The following NR6A1 variants were observed in gnomAD, a reference collection of about 807,000 sequenced individuals.
The protein encoded by NR6A1 is nuclear receptor subfamily 6 group A member 1, also known as retinoic acid receptor-related testis-associated receptor.
In NR6A1, 7 loss-of-function variants were observed where a neutral mutation model predicts 59.1. That is an observed-to-expected ratio of 0.12 (90% CI 0.07 to 0.22). The LOEUF (loss-of-function observed/expected upper bound fraction) is 0.22, where lower values mean the gene tolerates loss of function less well. NR6A1 is among the 10% of genes least tolerant of loss of function. The probability of loss-of-function intolerance (pLI) is 1.00; values close to 1 mark genes in which losing one functional copy is unlikely to be tolerated. For synonymous variants in NR6A1, 243 were observed against 236.1 expected (o/e 1.03, Z -0.27); for missense variants, 468 against 611.6 (o/e 0.77, Z 2.48).
chr9:124,630,573 AG>A (rs1836402465), intron 2 of NR6A1, among the ~76,000 whole-genome samples: 1 of 148,810 alleles, frequency 6.7e-6, no homozygotes, highest in Admixed American at 6.7e-5. Context: ...TGGCTATCCT[AG>A]GGGGAAGAGC....
At chr9:124,576,808 G>A (rs1834610795) in intron 2 of NR6A1, among the ~76,000 whole-genome samples, 1 of 152,196 alleles carries the variant, frequency 6.6e-6, no homozygotes, top group South Asian at 2.1e-4. Context: ...AATCCTAGTT[G>A]AGATTAGGGA....
At chr9:124,570,796 G>A (rs1453194863) in intron 2 of NR6A1, among the ~76,000 whole-genome samples, 1 of 152,014 alleles carries the variant, frequency 6.6e-6, no homozygotes. Flanking sequence ...CGTTCTCAGT[G>A]GAAAAAATAT....
intron 2 of NR6A1, among the ~76,000 whole-genome samples, chr9:124,582,674 G>A (rs1423997284): frequency 6.6e-6 from 1 of 152,108 alleles, no homozygotes; most frequent in East Asian, 1.9e-4. Flanking sequence ...ACTGCTTGAG[G>A]CCAGGAATTT....
intron 2 of NR6A1, among the ~76,000 whole-genome samples, chr9:124,719,547 A>G (rs577821991): frequency 6.6e-6 from 1 of 152,324 alleles, no homozygotes; most frequent in Non-Finnish European, 1.5e-5. Flanking sequence ...AAATGCCTAC[A>G]GAAGACTAGC....
intron 3 of NR6A1, among the ~76,000 whole-genome samples, chr9:124,554,104 A>G (rs1475680852): frequency 6.6e-6 from 1 of 152,190 alleles, no homozygotes; most frequent in Non-Finnish European, 1.5e-5. Flanking sequence ...TCTTGGTCAC[A>G]CAGGGCCTGT....
At chr9:124,617,998 C>A (rs577251998) in intron 2 of NR6A1, among the ~76,000 whole-genome samples, 1 of 152,200 alleles carries the variant, frequency 6.6e-6, no homozygotes, top group African/African-American at 2.4e-5. Context: ...TGAAGCCCAA[C>A]CCCTGGGGAG....
intron 2 of NR6A1, among the ~76,000 whole-genome samples, chr9:124,579,693 G>A (rs911573435): frequency 6.6e-6 from 1 of 152,144 alleles, no homozygotes; most frequent in Non-Finnish European, 1.5e-5. Context: ...AATCACTATG[G>A]AAAACAGTCT....
intron 1 of NR6A1, among the ~76,000 whole-genome samples, chr9:124,768,142 TCAATGGTGTTTCCGG>T (rs761069658): frequency 6.6e-6 from 1 of 152,220 alleles, no homozygotes; most frequent in Non-Finnish European, 1.5e-5. Flanking sequence ...AAATTCAGCA[TCAATGGTGTTTCCGG>T]TAGGAAAACA....
chr9:124,759,415 T>C (rs548232072), intron 1 of NR6A1, among the ~76,000 whole-genome samples: 63 of 152,326 alleles, frequency 4.1e-4, no homozygotes, highest in African/African-American at 1.5e-3. Context: ...CTATCAAACC[T>C]TGGATTTAGC....
At chr9:124,730,135 A>T (rs1839841905) in intron 2 of NR6A1, among the ~76,000 whole-genome samples, 1 of 151,990 alleles carries the variant, frequency 6.6e-6, no homozygotes, top group Non-Finnish European at 1.5e-5. Flanking sequence ...GAATAATCAG[A>T]TCCTTATGTA....
rs1029828048 is a variant in NR6A1 at position 124,710,663 on chromosome 9, A to C, written c.142+22645T>G. On this transcript the variant is annotated intron_variant, in intron 2 of 9. Coordinates refer to ENST00000487099, the MANE Select transcript of NR6A1 (RefSeq NM_033334.4). ...ATTTCTGCCTGTGATTAAAAGCTAC[A>C]TGCAAGTAACTTGTTAAGTGACTAT... 5.3e-5 allele frequency among the ~76,000 whole-genome samples: 8 copies of C among 152,356 alleles called. No homozygotes were observed. In the East Asian group the frequency reaches 1.5e-3, roughly 29 times the overall value.
At position 124,605,648 on chromosome 9, in the gene NR6A1, A is replaced by G. The variant is rs141962466; in HGVS notation, c.143-51078T>C. Among the ~76,000 whole-genome samples the G allele has an allele frequency of 2.3e-3, 350 of 152,354 alleles. 1 individual carries two copies. The highest frequency in any genetic ancestry group is 8.0e-3 in the African/African-American group (331 of 41,588). On this transcript the variant is annotated intron_variant, in intron 2 of 9. Coordinates refer to ENST00000487099, the MANE Select transcript of NR6A1 (RefSeq NM_033334.4). ...CCACACTTTTAAAGGATAAGGATAC[A>G]TACTGGAATATTAACAAATGAAATA...
intron 2 of NR6A1, among the ~76,000 whole-genome samples, chr9:124,593,848 C>A (rs1052975448): frequency 6.6e-6 from 1 of 152,114 alleles, no homozygotes; most frequent in South Asian, 2.1e-4. Context: ...GCCCTTCCCC[C>A]ACCTTTCTCC....
chr9:124,585,706 G>A (rs1400453831), intron 2 of NR6A1, among the ~76,000 whole-genome samples: 3 of 152,074 alleles, frequency 2.0e-5, no homozygotes, highest in African/African-American at 4.8e-5. Flanking sequence ...CACCATCTAC[G>A]GGCTTTCATA....
intron 2 of NR6A1, among the ~76,000 whole-genome samples, chr9:124,558,327 C>CT (rs1169105202): frequency 6.6e-6 from 1 of 152,126 alleles, no homozygotes; most frequent in African/African-American, 2.4e-5. Context: ...GCCTGAAGCC[C>CT]TAGGACTGCT....
chr9:124,659,287 G>C lies in NR6A1; in HGVS notation c.142+74021C>G, dbSNP rs10986390. On this transcript the variant is annotated intron_variant, in intron 2 of 9. Transcript: ENST00000487099. ...GTCAGCCAGCTGCAGGGGCGGGAGCGGGGGGGCGGGTAGGGACATGGATGT... is the reference window on the plus strand; with the variant it reads ...GTCAGCCAGCTGCAGGGGCGGGAGCCGGGGGGCGGGTAGGGACATGGATGT... Among the ~76,000 whole-genome samples, 544 of 152,038 alleles carry C rather than the reference G, an allele frequency of 3.6e-3. 1 individual carries two copies. The highest frequency in any genetic ancestry group is 5.7e-3 in the Non-Finnish European group (390 of 67,948).
chr9:124,680,090 A>ATGTATGTG (rs1554743732), intron 2 of NR6A1, among the ~76,000 whole-genome samples: 2 of 143,164 alleles, frequency 1.4e-5, no homozygotes, highest in African/African-American at 5.1e-5. Flanking sequence ...GTGTGTATGT[A>ATGTATGTG]TGTGTGTGTG....
At position 124,522,589 on chromosome 9, in the gene NR6A1, G is replaced by C. The variant is rs1005745508; in HGVS notation, c.*116C>G. On this transcript the variant is annotated 3_prime_UTR_variant, in exon 10 of 10. Coordinates refer to ENST00000487099, the MANE Select transcript of NR6A1 (RefSeq NM_033334.4). ...AACAAAAACTCTTCTTGCTATGGAG[G>C]CAACGGGAAATGCTGCTCCACAGCC... The C allele has an allele frequency of 6.1e-6, 4 of 653,944 alleles. No individual in the cohort carries two copies. In the African/African-American group the frequency reaches 7.3e-5, roughly 12 times the overall value. 40.5% of individuals were successfully genotyped at this position (653,944 alleles called of 1,614,324 possible).
chr9:124,704,487 C>T (rs1055591763), intron 2 of NR6A1, among the ~76,000 whole-genome samples: 4 of 151,826 alleles, frequency 2.6e-5, no homozygotes, highest in African/African-American at 4.8e-5. Context: ...CATAGCTCAC[C>T]GCAGCCTCAA....
Sources: allele counts gnomAD v4.1 joint callset (sites outside exome capture counted in the v4.1 genomes callset), GRCh38; gene constraint gnomAD v4.1.1; transcripts MANE v1.5; gene names NCBI Gene and HGNC (gene_info 2026-07-23, HGNC 2026-07-21).